The following PLCL1 variants were observed in gnomAD, a reference collection of about 807,000 sequenced individuals.
PLCL1 encodes phospholipase C like 1 (inactive), also known as inactive phospholipase C-like protein 1.
In PLCL1, 41 loss-of-function variants were observed where a neutral mutation model predicts 84.4. The observed-to-expected ratio is 0.49, with a 90% CI of 0.38 to 0.63. PLCL1 has a LOEUF of 0.63. Ranked by LOEUF, PLCL1 falls within the 30% of genes least tolerant of loss-of-function variation. The pLI, the probability that PLCL1 is intolerant of heterozygous loss-of-function variation, is 0.00. For missense variants in PLCL1, 1,206 were observed against 1,367.8 expected, an observed-to-expected ratio of 0.88 and a Z score of 1.87; for synonymous variants, 490 against 488.3, an observed-to-expected ratio of 1.00 and a Z score of -0.05.
At chr2:197,935,003 A>C (rs1689021101) in intron 1 of PLCL1, among the ~76,000 whole-genome samples, 1 of 152,204 alleles carries the variant, frequency 6.6e-6, no homozygotes, top group Admixed American at 6.5e-5. Flanking sequence ...AAAAGACGAC[A>C]TACACTCGGC....
At chr2:198,136,579 T>C (rs1193730773) in intron 5 of PLCL1, among the ~76,000 whole-genome samples, 1 of 152,084 alleles carries the variant, frequency 6.6e-6, no homozygotes, top group African/African-American at 2.4e-5. Context: ...TCATCACTCC[T>C]GGGGTTCCAC....
chr2:198,009,923 T>G (rs1690827208), intron 1 of PLCL1, among the ~76,000 whole-genome samples: 1 of 152,058 alleles, frequency 6.6e-6, no homozygotes, highest in Non-Finnish European at 1.5e-5. Context: ...TCCTAAGTAT[T>G]TAATCCTTCT....
At chr2:198,098,505 C>G (rs1693254076) in intron 3 of PLCL1, among the ~76,000 whole-genome samples, 1 of 152,178 alleles carries the variant, frequency 6.6e-6, no homozygotes, top group Admixed American at 6.6e-5. Context: ...TGCCTAGATT[C>G]TAGTCTAAAT....
At chr2:198,060,024 CCT>C (rs1692154852) in intron 1 of PLCL1, among the ~76,000 whole-genome samples, 1 of 152,118 alleles carries the variant, frequency 6.6e-6, no homozygotes, top group Admixed American at 6.5e-5. Context: ...ATGTCCCCTC[CCT>C]GTGTACAAAT....
chr2:197,890,362 TTTC>T (rs923602966), intron 1 of PLCL1, among the ~76,000 whole-genome samples: 1 of 152,172 alleles, frequency 6.6e-6, no homozygotes, highest in African/African-American at 2.4e-5. Flanking sequence ...CATTTCCTAC[TTTC>T]TTCTTCTCCC....
intron 1 of PLCL1, among the ~76,000 whole-genome samples, chr2:197,994,851 G>A (rs1321657945): frequency 2.0e-5 from 3 of 152,094 alleles, no homozygotes; most frequent in African/African-American, 7.2e-5. Flanking sequence ...TCTTTCTTAT[G>A]TATGTGATCC....
At chr2:198,058,771 T>A (rs1203692327) in intron 1 of PLCL1, among the ~76,000 whole-genome samples, 1 of 152,162 alleles carries the variant, frequency 6.6e-6, no homozygotes, top group Non-Finnish European at 1.5e-5. Context: ...TTTTAGATTT[T>A]AGTATAAAGA....
At chr2:197,847,842 T>C (rs957283041) in intron 1 of PLCL1, among the ~76,000 whole-genome samples, 1 of 152,200 alleles carries the variant, frequency 6.6e-6, no homozygotes, top group African/African-American at 2.4e-5. Flanking sequence ...AGTAGAAGAG[T>C]TGGCAGTATC....
In PLCL1 at chr2:197,986,359, A is replaced by G. The variant is rs796640046; in HGVS notation, c.241-97399A>G. On this transcript the variant is annotated intron_variant, in intron 1 of 5. Coordinates refer to ENST00000428675, the MANE Select transcript of PLCL1 (RefSeq NM_006226.4). ...CCACTTAATTTAATCATTTTTAAAAATTATTATTTTAGAGCAGGGTCTCAC... is the reference window on the plus strand; with the variant it reads ...CCACTTAATTTAATCATTTTTAAAAGTTATTATTTTAGAGCAGGGTCTCAC... Among the ~76,000 whole-genome samples, 33 of 152,192 alleles carry G rather than the reference A, an allele frequency of 2.2e-4. 1 individual carries two copies. Among genetic ancestry groups the G allele is most frequent in the African/African-American group, 7.5e-4 (31 of 41,526 alleles).
chr2:197,879,443 T>A (rs1392531258), intron 1 of PLCL1, among the ~76,000 whole-genome samples: 4 of 152,198 alleles, frequency 2.6e-5, no homozygotes, highest in Non-Finnish European at 5.9e-5. Context: ...ACAGTAGTGC[T>A]GTAACTAACT....
rs76865130 is a variant in PLCL1, at chr2:197,862,369, G to A, written c.240+57030G>A. Among the ~76,000 whole-genome samples the A allele has an allele frequency of 7.0e-3, 1,059 of 152,208 alleles. 8 individuals are homozygous for A. Among genetic ancestry groups the A allele is most frequent in the African/African-American group, 0.024 (1,010 of 41,528 alleles). ...AAGAATAATAAGTGAAAAGAGATACGGAAATAAAAGGAAAAGGAAGTACAT... is the reference window on the plus strand; with the variant it reads ...AAGAATAATAAGTGAAAAGAGATACAGAAATAAAAGGAAAAGGAAGTACAT... On this transcript the variant is annotated intron_variant, in intron 1 of 5. Coordinates refer to ENST00000428675, the MANE Select transcript of PLCL1 (RefSeq NM_006226.4).
intron 1 of PLCL1, among the ~76,000 whole-genome samples, chr2:197,903,649 A>ATTTTTT (rs11295926): frequency 1.4e-5 from 1 of 72,434 alleles, no homozygotes; most frequent in African/African-American, 5.5e-5. Flanking sequence ...ACGCCCAGCT[A>ATTTTTT]TTTTTTTTTT....
chr2:198,020,712 T>C (rs1213464287), intron 1 of PLCL1, among the ~76,000 whole-genome samples: 2 of 152,200 alleles, frequency 1.3e-5, no homozygotes, highest in East Asian at 1.9e-4. Context: ...CCTAAATATA[T>C]ATGCACCCAA....
intron 1 of PLCL1, among the ~76,000 whole-genome samples, chr2:197,904,840 C>T (rs970510504): frequency 1.2e-4 from 19 of 152,070 alleles, no homozygotes; most frequent in Non-Finnish European, 2.1e-4. Context: ...ATAAAAATTT[C>T]AATCTTAAGA....
intron 1 of PLCL1, among the ~76,000 whole-genome samples, chr2:198,000,434 A>C (rs1690573636): frequency 6.6e-6 from 1 of 152,182 alleles, no homozygotes; most frequent in African/African-American, 2.4e-5. Context: ...AAAATGAATG[A>C]GACTCAATTT....
At chr2:197,900,055 A>G (rs1688234557) in intron 1 of PLCL1, among the ~76,000 whole-genome samples, 1 of 152,204 alleles carries the variant, frequency 6.6e-6, no homozygotes, top group Non-Finnish European at 1.5e-5. Flanking sequence ...TTCTAGTCCC[A>G]TACCTGCCTC....
chr2:197,983,872 A>T (rs1030118250), intron 1 of PLCL1, among the ~76,000 whole-genome samples: 12 of 152,234 alleles, frequency 7.9e-5, no homozygotes, highest in African/African-American at 2.7e-4. Flanking sequence ...GGATTACAGA[A>T]GGTGAATAAA....
chr2:198,003,188 A>C (rs1189039240), intron 1 of PLCL1, among the ~76,000 whole-genome samples: 1 of 152,180 alleles, frequency 6.6e-6, no homozygotes, highest in African/African-American at 2.4e-5. Context: ...TGAGTTTTTA[A>C]ATAATAGACA....
At chr2:197,910,967 T>C (rs1027877680) in intron 1 of PLCL1, among the ~76,000 whole-genome samples, 2 of 152,218 alleles carry the variant, frequency 1.3e-5, no homozygotes, top group African/African-American at 2.4e-5. Flanking sequence ...GATGTTTATT[T>C]AAAGTAAACT....
Sources: allele counts gnomAD v4.1 joint callset (sites outside exome capture counted in the v4.1 genomes callset), GRCh38; gene constraint gnomAD v4.1.1; transcripts MANE v1.5; gene names NCBI Gene and HGNC (gene_info 2026-07-23, HGNC 2026-07-21).